The following MSRA variants were observed in gnomAD, a reference collection of about 807,000 sequenced individuals.
MSRA encodes the protein methionine sulfoxide reductase A.
A neutral mutation model predicts 31.3 loss-of-function variants in MSRA; 54 were observed. The ratio of observed to expected loss-of-function variants is 1.73; its 90% CI spans 1.39 to 2.17. The LOEUF is 2.17. MSRA is among the 30% of genes most tolerant of loss of function. The pLI, the probability that MSRA is intolerant of heterozygous loss-of-function variation, is 0.00. For synonymous variants in MSRA, 169 were observed against 116.5 expected, an observed-to-expected ratio of 1.45 and a Z score of -2.90; for missense variants, 507 against 300.9, an observed-to-expected ratio of 1.69 and a Z score of -5.07.
intron 5 of MSRA, chr8:10,337,416 T>C: frequency 3.1e-6 from 1 of 318,276 alleles, no homozygotes; most frequent in Non-Finnish European, 5.8e-6. Flanking sequence ...CCTGACCTCG[T>C]GATCCACCAG....
chr8:10,131,097 C>G (rs1327749777), intron 1 of MSRA, among the ~76,000 whole-genome samples: 1 of 152,124 alleles, frequency 6.6e-6, no homozygotes, highest in African/African-American at 2.4e-5. Flanking sequence ...TCCTTTGTTT[C>G]TTATTTATTT....
rs112501442 is a variant in MSRA at position 10,340,876 on chromosome 8, A to G, written c.543+20887A>G. Among the ~76,000 whole-genome samples, 43 of 152,366 alleles carry G rather than the reference A, an allele frequency of 2.8e-4. 1 individual carries two copies. The highest frequency in any genetic ancestry group is 9.6e-4 in the African/African-American group (40 of 41,598). On this transcript the variant is annotated intron_variant, in intron 5 of 5. Coordinates refer to ENST00000317173, the MANE Select transcript of MSRA (RefSeq NM_012331.5). ...TCACTTGGTCCCTACTTGTCTTCACAGAAAGAACAGTTCTTGTGTGGTAAT... is the reference window on the plus strand; with the variant it reads ...TCACTTGGTCCCTACTTGTCTTCACGGAAAGAACAGTTCTTGTGTGGTAAT...
chr8:10,200,744 C>T (rs1376076920), intron 1 of MSRA, among the ~76,000 whole-genome samples: 1 of 152,188 alleles, frequency 6.6e-6, no homozygotes, highest in Admixed American at 6.5e-5. Flanking sequence ...CACCTTAAAA[C>T]ACCATATCGC....
chr8:10,423,624 G>A (rs1018127894), intron 5 of MSRA, among the ~76,000 whole-genome samples: 1 of 152,170 alleles, frequency 6.6e-6, no homozygotes, highest in Non-Finnish European at 1.5e-5. Flanking sequence ...AGAGCAAATG[G>A]GCTTTTTCAG....
chr8:10,124,648 A>G (rs1254613349), intron 1 of MSRA, among the ~76,000 whole-genome samples: 1 of 152,250 alleles, frequency 6.6e-6, no homozygotes, highest in Non-Finnish European at 1.5e-5. Context: ...AATTATTTTC[A>G]TCATTGCAAT....
chr8:10,158,800 A>G (rs1804393503), intron 1 of MSRA, among the ~76,000 whole-genome samples: 1 of 152,164 alleles, frequency 6.6e-6, no homozygotes, highest in African/African-American at 2.4e-5. Context: ...ATTTTGAGGA[A>G]CTTCCACACT....
intron 1 of MSRA, among the ~76,000 whole-genome samples, chr8:10,072,591 G>A (rs1416148480): frequency 1.3e-5 from 2 of 152,112 alleles, no homozygotes; most frequent in East Asian, 3.9e-4. Context: ...TCTAAGGTCT[G>A]TCCCACTCCA....
intron 1 of MSRA, among the ~76,000 whole-genome samples, chr8:10,139,470 C>T (rs929879295): frequency 2.6e-5 from 4 of 152,180 alleles, no homozygotes; most frequent in Non-Finnish European, 5.9e-5. Flanking sequence ...CTGTAGCCGT[C>T]ACCCAAACAG....
At chr8:10,162,209 TTTATTTTTA>T (rs1563167951) in intron 1 of MSRA, among the ~76,000 whole-genome samples, 9 of 152,172 alleles carry the variant, frequency 5.9e-5, no homozygotes, top group African/African-American at 1.2e-4. Flanking sequence ...AAGGCTCTTA[TTTATTTTTA>T]TTTTGGACAG....
chr8:10,416,674 G>T (rs1043545955), intron 5 of MSRA, among the ~76,000 whole-genome samples: 22 of 152,238 alleles, frequency 1.4e-4, no homozygotes, highest in Admixed American at 4.6e-4. Flanking sequence ...GAGAGCACTT[G>T]TGCCGTTGAC....
chr8:10,261,755 G>C (rs1318829062), intron 3 of MSRA, among the ~76,000 whole-genome samples: 1 of 152,082 alleles, frequency 6.6e-6, no homozygotes, highest in African/African-American at 2.4e-5. Context: ...GTTCCCTTTT[G>C]GTGGTGTACA....
intron 1 of MSRA, among the ~76,000 whole-genome samples, chr8:10,056,467 C>T (rs10109617): frequency 0.063 from 9,495 of 151,804 alleles, 492 homozygotes; most frequent in African/African-American, 0.14. Flanking sequence ...CTGCTGTCTC[C>T]ATATAGCTGT....
chr8:10,207,901 G>C lies in MSRA; in HGVS notation c.211G>C (p.Gly71Arg). The C allele has an allele frequency of 6.2e-7, 1 of 1,609,206 alleles. No homozygotes were observed. The highest frequency in any genetic ancestry group is 8.5e-7 in the Non-Finnish European group (1 of 1,177,328). Residue 71 changes from glycine (G) to arginine (R), a missense_variant and splice_region_variant, in exon 2 of 6, where the codon GGA becomes CGA. By Grantham distance (125) the Gly-to-Arg change is moderately radical. Transcript: ENST00000317173. ...AGAGGGAACACAGATGGCTGTATTT[G>C]GTAAGATATCAATTCTGAAAGAAAA... ...FPEGTQMAVF[G>R]MGCFWGAERK... is the part of the protein sequence containing the mutation.
intron 1 of MSRA, chr8:10,059,010 T>C (rs1262782053): frequency 6.6e-6 from 1 of 152,188 alleles, no homozygotes; most frequent in African/African-American, 2.4e-5. Context: ...GTACAGCCAG[T>C]GTGATCAGAC....
intron 1 of MSRA, among the ~76,000 whole-genome samples, chr8:10,083,714 T>A (rs760458853): frequency 2.0e-5 from 3 of 152,224 alleles, no homozygotes; most frequent in Non-Finnish European, 2.9e-5. Context: ...CAGTTTTATC[T>A]GCTATCCTGT....
At chr8:10,092,260 A>T (rs966062669) in intron 1 of MSRA, among the ~76,000 whole-genome samples, 1 of 151,670 alleles carries the variant, frequency 6.6e-6, no homozygotes, top group Non-Finnish European at 1.5e-5. Context: ...CTTTTATTCC[A>T]TTGTGGTTGG....
At chr8:10,161,641 G>A (rs901244599) in intron 1 of MSRA, among the ~76,000 whole-genome samples, 1 of 152,158 alleles carries the variant, frequency 6.6e-6, no homozygotes, top group African/African-American at 2.4e-5. Context: ...AGAAGAGGCG[G>A]ATGAAGTGAG....
chr8:10,109,959 G>A (rs913930623), intron 1 of MSRA, among the ~76,000 whole-genome samples: 1 of 152,068 alleles, frequency 6.6e-6, no homozygotes, highest in Non-Finnish European at 1.5e-5. Context: ...CATATGTAAA[G>A]ATTCGTCATA....
intron 3 of MSRA, among the ~76,000 whole-genome samples, chr8:10,257,239 G>A (rs1446762794): frequency 6.6e-6 from 1 of 152,116 alleles, no homozygotes; most frequent in African/African-American, 2.4e-5. Flanking sequence ...CAGCCTGGAA[G>A]TAAGAGGAAG....
Sources: gnomAD v4.1 joint callset for allele counts (sites outside exome capture counted in the v4.1 genomes callset) on GRCh38, gnomAD v4.1.1 for gene constraint, MANE v1.5 for transcripts, NCBI Gene and HGNC (gene_info 2026-07-23, HGNC 2026-07-21) for gene names.